The following RIC1 variants were observed in gnomAD, a reference collection of about 807,000 sequenced individuals.
The protein encoded by RIC1 is guanine nucleotide exchange factor subunit RIC1.
Under a neutral mutation model 169.0 loss-of-function variants are expected in RIC1, and 88 were observed. The observed-to-expected ratio is 0.52, with a 90% CI of 0.44 to 0.62. RIC1 has a LOEUF of 0.62. RIC1 is among the 20% of genes least tolerant of loss of function. RIC1 has a pLI of 0.00. For synonymous variants in RIC1, 790 were observed against 601.5 expected (o/e 1.31, Z -4.59); for missense variants, 1,877 against 1,725.5 (o/e 1.09, Z -1.56).
At chr9:5,665,591 C>G (rs780342999) in intron 2 of RIC1, among the ~76,000 whole-genome samples, 8 of 152,266 alleles carry the variant, frequency 5.3e-5, no homozygotes, top group East Asian at 1.9e-4. Flanking sequence ...TGCCTTTGAT[C>G]TTTGAGGTTG....
chr9:5,629,224 G>C lies in RIC1; in HGVS notation c.-86G>C. 8.0e-7 allele frequency: 1 copy of C among 1,245,036 alleles called. No individual in the cohort carries two copies. The highest frequency in any genetic ancestry group is 1.6e-5 in the African/African-American group (1 of 63,742). The allele number at this position is 1,245,036 out of a possible 1,614,324, so 77.1% of individuals were successfully genotyped here. ...CGCCGCCGCCGCCGCCGACTCGGCC[G>C]GTGGCGGTGTGGGAGGTGGGCGACC... On this transcript the variant is annotated 5_prime_UTR_variant, in exon 1 of 26. Coordinates refer to ENST00000414202, the MANE Select transcript of RIC1 (RefSeq NM_020829.4).
intron 2 of RIC1, among the ~76,000 whole-genome samples, chr9:5,668,154 G>T (rs117104413): frequency 0.012 from 1,788 of 152,216 alleles, 19 homozygotes; most frequent in Middle Eastern, 0.031. Context: ...ATCAGATCTC[G>T]TAAGAACTCA....
In RIC1 at chr9:5,773,011, T is replaced by C. The variant is rs1827328784; in HGVS notation, c.3914T>C (p.Val1305Ala). The C allele has an allele frequency of 6.2e-7, 1 of 1,613,398 alleles. No homozygotes were observed. Among genetic ancestry groups the C allele is most frequent in the African/African-American group, 1.3e-5 (1 of 74,778 alleles). ...TTGGTTATTACACAGTCTTCAGAGG[T>C]AGATGGAGAGATGTTACAGAACATA... ...QILVITQSSEVDGEMLQNIKT... is the reference protein window; with the variant it reads ...QILVITQSSEADGEMLQNIKT... The change falls in exon 25 of 26, where the codon GTA (valine) becomes GCA (alanine). Residue 1305 changes from valine (V) to alanine (A), a missense_variant. Physicochemically the swap from Val to Ala is moderately conservative, Grantham distance 64. Around this residue, in one of 3 missense-constraint regions of RIC1, gnomAD observed 681 missense variants for 582.0 expected, o/e 1.17. Coordinates refer to ENST00000414202, the MANE Select transcript of RIC1 (RefSeq NM_020829.4).
At chr9:5,682,456 T>C (rs1054630008) in intron 2 of RIC1, among the ~76,000 whole-genome samples, 9 of 152,324 alleles carry the variant, frequency 5.9e-5, no homozygotes, top group African/African-American at 2.2e-4. Context: ...GGGTTGAAAA[T>C]TCTTTTCTTT....
At position 5,775,077 on chromosome 9, in the gene RIC1, A is replaced by C. The variant is rs963450224; in HGVS notation, c.*831A>C. 1 of 152,258 alleles carries C rather than the reference A, an allele frequency of 6.6e-6. No homozygotes were observed. The highest frequency in any genetic ancestry group is 1.5e-5 in the Non-Finnish European group (1 of 68,046). 9.4% of individuals were successfully genotyped at this position (152,258 alleles called of 1,614,324 possible). ...TCTGCATGTCTACACATACAAAGAC[A>C]GGGCTTGCTCCTCTGCAAAACTGAG... On this transcript the variant is annotated 3_prime_UTR_variant, in exon 26 of 26. Transcript: ENST00000414202.
intron 2 of RIC1, among the ~76,000 whole-genome samples, chr9:5,680,202 T>C (rs1316095854): frequency 6.6e-6 from 1 of 152,232 alleles, no homozygotes; most frequent in African/African-American, 2.4e-5. Flanking sequence ...CACTTGATCA[T>C]GGTGGATAAG....
chr9:5,734,063 ATAAATATATATAATATATATTT>A (rs1442311715), intron 7 of RIC1, among the ~76,000 whole-genome samples: 4 of 147,124 alleles, frequency 2.7e-5, no homozygotes, highest in South Asian at 2.1e-4. Flanking sequence ...TTTAAATATT[ATAAATATATATAATATATATTT>A]TAAATATATA....
At chr9:5,680,925 C>T (rs1326779234) in intron 2 of RIC1, among the ~76,000 whole-genome samples, 2 of 140,080 alleles carry the variant, frequency 1.4e-5, no homozygotes, top group Admixed American at 7.6e-5. Flanking sequence ...CTCCCGGGTT[C>T]ACGCCATTCT....
chr9:5,718,139 C>CAAAAA (rs35477806), intron 4 of RIC1, among the ~76,000 whole-genome samples: 1,680 of 28,084 alleles, frequency 0.06, 554 homozygotes, highest in East Asian at 0.14. Context: ...GACTCCGTCT[C>CAAAAA]AAAAAAAAAA....
intron 2 of RIC1, among the ~76,000 whole-genome samples, chr9:5,683,656 A>ACT (rs1269510389): frequency 2.6e-5 from 4 of 152,166 alleles, no homozygotes; most frequent in African/African-American, 9.7e-5. Flanking sequence ...TGGGAGAGCC[A>ACT]CTACCCTCTT....
At chr9:5,675,189 T>C (rs746540966) in intron 2 of RIC1, among the ~76,000 whole-genome samples, 2 of 152,138 alleles carry the variant, frequency 1.3e-5, no homozygotes, top group Non-Finnish European at 2.9e-5. Flanking sequence ...GATTGGCTAA[T>C]TTAAAGAGAG....
intron 1 of RIC1, among the ~76,000 whole-genome samples, chr9:5,637,161 G>A (rs1344528306): frequency 6.6e-6 from 1 of 152,146 alleles, no homozygotes; most frequent in Non-Finnish European, 1.5e-5. Context: ...CTGGGCTCAA[G>A]CAGCTGTCCT....
At chr9:5,716,485 C>T (rs1003344044) in intron 4 of RIC1, among the ~76,000 whole-genome samples, 9 of 152,046 alleles carry the variant, frequency 5.9e-5, no homozygotes, top group Admixed American at 3.9e-4. Flanking sequence ...TGGTGGCACA[C>T]GCCTGTACTC....
intron 1 of RIC1, among the ~76,000 whole-genome samples, chr9:5,638,892 C>T (rs1048317765): frequency 1.3e-5 from 2 of 151,964 alleles, no homozygotes; most frequent in East Asian, 3.8e-4. Flanking sequence ...GTTTAAGAGG[C>T]ATCATTAGGT....
chr9:5,763,763 G>A lies in RIC1; in HGVS notation c.2736G>A (p.Leu912=), dbSNP rs1554613640. The A allele has an allele frequency of 3.7e-6, 6 of 1,614,186 alleles. No homozygotes were observed. In the East Asian group the frequency reaches 1.3e-4, roughly 36 times the overall value. Residue 912 remains leucine (L), a synonymous_variant, in exon 19 of 26, where the codon CTG becomes CTA. Coordinates refer to ENST00000414202, the MANE Select transcript of RIC1 (RefSeq NM_020829.4). This position sits in a 1 kb window ranked among gnomAD's most constrained non-coding sequence, Gnocchi z 5.2. Reference sequence around the variant, plus strand: ...GTGCCAGGAAGACCGAATATGCCCTGTGGAATTACCTTTTTGCAGCTGTTG... The same window carrying A: ...GTGCCAGGAAGACCGAATATGCCCTATGGAATTACCTTTTTGCAGCTGTTG... The part of the protein sequence containing the change: ...VHCARKTEYA[L]WNYLFAAVGN...
intron 6 of RIC1, among the ~76,000 whole-genome samples, chr9:5,726,150 G>C (rs533487538): frequency 6.6e-6 from 1 of 152,190 alleles, no homozygotes; most frequent in African/African-American, 2.4e-5. Context: ...GTTTACGGTG[G>C]GGTGTTAAAG....
At chr9:5,674,754 C>G (rs1160218465) in intron 2 of RIC1, among the ~76,000 whole-genome samples, 2 of 152,212 alleles carry the variant, frequency 1.3e-5, no homozygotes, top group African/African-American at 2.4e-5. Context: ...TACCCTCCTT[C>G]TCTCCCCTCC....
rs780030022 is a variant in RIC1 at position 5,756,267 on chromosome 9, A to G, written c.1748A>G (p.Lys583Arg). The part of the protein sequence containing the change: ...NLDNAFAHVT[K>R]AQAETLLLSV... ...GACAATGCCTTTGCTCATGTCACCA[A>G]AGCACAAGCAGAAACATTACTGCTT... is the stretch of plus-strand genomic sequence containing the variant. Residue 583 changes from lysine (K) to arginine (R), a missense_variant, in exon 16 of 26, where the codon AAA (lysine) becomes AGA (arginine). Around this residue, in one of 3 missense-constraint regions of RIC1, gnomAD observed 1,104 missense variants for 992.0 expected, o/e 1.11. Transcript: ENST00000414202. 1.2e-6 allele frequency: 2 copies of G among 1,605,038 alleles called. No homozygotes were observed. Among genetic ancestry groups the G allele is most frequent in the Non-Finnish European group, 8.5e-7 (1 of 1,174,374 alleles).
rs192267893 is a variant in RIC1 at position 5,629,916 on chromosome 9, A to T, written c.144+463A>T. On this transcript the variant is annotated intron_variant, in intron 1 of 25. Coordinates refer to ENST00000414202, the MANE Select transcript of RIC1 (RefSeq NM_020829.4). ...GGCTTTACCCAGCGCCAGACTTTACAGGCCTGTAATAACTTATTTCTACAA... is the reference window on the plus strand; with the variant it reads ...GGCTTTACCCAGCGCCAGACTTTACTGGCCTGTAATAACTTATTTCTACAA... Among the ~76,000 whole-genome samples, 441 of 152,336 alleles carry T rather than the reference A, an allele frequency of 2.9e-3. 2 individuals are homozygous for T. Among genetic ancestry groups the T allele is most frequent in the Non-Finnish European group, 4.9e-3 (331 of 68,024 alleles).
Sources: allele counts gnomAD v4.1 joint callset (sites outside exome capture counted in the v4.1 genomes callset), GRCh38; gene constraint gnomAD v4.1.1; regional missense constraint gnomAD v4.1.1; non-coding constraint Gnocchi (gnomAD v3.1); transcripts MANE v1.5; gene names NCBI Gene and HGNC (gene_info 2026-07-23, HGNC 2026-07-21).